The following ERP44 variants were observed in gnomAD, a reference collection of about 807,000 sequenced individuals.
ERP44 encodes endoplasmic reticulum resident protein 44.
ERP44 carries 25 observed loss-of-function variants against 53.4 expected under a neutral mutation model. That is an observed-to-expected ratio of 0.47 (90% confidence interval 0.34 to 0.65). The LOEUF is 0.65. Ranked by LOEUF, ERP44 falls within the 30% of genes least tolerant of loss-of-function variation. The pLI is 0.01. For synonymous variants in ERP44, 145 were observed against 161.2 expected, an observed-to-expected ratio of 0.90 and a Z score of 0.76; for missense variants, 338 against 493.2, an observed-to-expected ratio of 0.69 and a Z score of 2.98.
Position 99,994,303 on chromosome 9 carries a change from C to T in ERP44, c.1017-9234G>A, listed in dbSNP as rs1008053202. Among the ~76,000 whole-genome samples, 8 of 152,260 alleles carry T rather than the reference C, an allele frequency of 5.3e-5. No homozygotes were observed. The East Asian group carries it at 5.8e-4, about 11-fold the overall frequency. ...TTAAGAAAATGTGGCACATATACACCGTGGAATACTATGCAGCCACAAAAA... is the reference window on the plus strand; with the variant it reads ...TTAAGAAAATGTGGCACATATACACTGTGGAATACTATGCAGCCACAAAAA... On this transcript the variant is annotated intron_variant, in intron 10 of 11. Transcript: ENST00000262455.
chr9:100,081,301 G>T (rs2118748536), intron 1 of ERP44, among the ~76,000 whole-genome samples: 1 of 152,240 alleles, frequency 6.6e-6, no homozygotes, highest in South Asian at 2.1e-4. Flanking sequence ...AAACAAAGTG[G>T]AATGGGGCCA....
chr9:100,040,857 G>A (rs115727264), intron 4 of ERP44, among the ~76,000 whole-genome samples: 2,736 of 152,000 alleles, frequency 0.018, 90 homozygotes, highest in African/African-American at 0.063. Flanking sequence ...ATTTTTATAC[G>A]CTAACAGTGA....
At chr9:100,062,893 C>A (rs570451945) in intron 1 of ERP44, among the ~76,000 whole-genome samples, 1 of 151,606 alleles carries the variant, frequency 6.6e-6, no homozygotes, top group South Asian at 2.1e-4. Flanking sequence ...GGCAACATAG[C>A]AAGACCCTGT....
At chr9:100,016,513 A>AT in intron 7 of ERP44, 75 bp from the exon 8 acceptor site, 1 of 1,449,674 alleles carries the variant, frequency 6.9e-7, no homozygotes, top group Non-Finnish European at 9.0e-7. Context: ...TTTTCTTTAT[A>AT]TTTTTTAAAG....
At position 100,007,505 on chromosome 9, in the gene ERP44, AGAG is replaced by A. The variant is rs1382887402; in HGVS notation, c.874+70_874+72del. On this transcript the variant is annotated intron_variant, in intron 9 of 11. Coordinates refer to ENST00000262455, the MANE Select transcript of ERP44 (RefSeq NM_015051.3). The stretch of plus-strand genomic sequence containing the variant: ...GTTTATGTGATTTGACAGAAATGGG[AGAG>A]GAGATGATGAAAGGGAAAAAAAGAA... 3.8e-6 allele frequency: 3 copies of A among 780,246 alleles called. No homozygotes were observed. In the East Asian group the frequency reaches 7.4e-5, roughly 19 times the overall value. The allele number at this position is 780,246 out of a possible 1,614,324, so 48.3% of individuals were successfully genotyped here.
At chr9:100,000,632 T>C (rs1830366493) in intron 10 of ERP44, among the ~76,000 whole-genome samples, 1 of 152,128 alleles carries the variant, frequency 6.6e-6, no homozygotes, top group Non-Finnish European at 1.5e-5. Flanking sequence ...ATGTGCCTAG[T>C]ATTTTCTTCT....
At chr9:100,082,755 G>GAA (rs5899401) in intron 1 of ERP44, among the ~76,000 whole-genome samples, 58 of 146,892 alleles carry the variant, frequency 3.9e-4, no homozygotes, top group African/African-American at 8.7e-4. Flanking sequence ...CCTACTGTAG[G>GAA]AAAAAAAAAA....
chr9:100,091,608 T>A (rs183985659), intron 1 of ERP44, among the ~76,000 whole-genome samples: 65 of 152,342 alleles, frequency 4.3e-4, no homozygotes, highest in African/African-American at 1.4e-3. Flanking sequence ...TGAGAGGCAC[T>A]GCCCTTTTTC....
chr9:100,077,707 T>C (rs757510902), intron 1 of ERP44, among the ~76,000 whole-genome samples: 61 of 152,222 alleles, frequency 4.0e-4, no homozygotes, highest in Non-Finnish European at 7.5e-4. Flanking sequence ...GAACTCCTCC[T>C]ATCTTTAAGC....
chr9:100,022,216 G>A lies in ERP44; in HGVS notation c.297C>T (p.Ala99=). 2 of 1,607,408 alleles carry A rather than the reference G, an allele frequency of 1.2e-6. No individual in the cohort carries two copies. Among genetic ancestry groups the A allele is most frequent in the Non-Finnish European group, 1.7e-6 (2 of 1,177,364 alleles). The change falls in exon 5 of 12, where the codon GCC becomes GCT. Residue 99 remains alanine (A), a synonymous_variant. Transcript: ENST00000262455. ...RVDCDQHSDI[A]QRYRISKYPT... Reference sequence around the variant, plus strand: ...GGTATTTGCTTATCCTGTATCTCTGGGCTATGTCAGCTAAAAGAATGAAAA... The same window carrying A: ...GGTATTTGCTTATCCTGTATCTCTGAGCTATGTCAGCTAAAAGAATGAAAA...
chr9:99,993,402 G>A (rs1830276467), intron 10 of ERP44, among the ~76,000 whole-genome samples: 1 of 152,148 alleles, frequency 6.6e-6, no homozygotes, highest in South Asian at 2.1e-4. Context: ...ACAAACACAA[G>A]AAATGGGGAA....
chr9:100,063,719 G>C (rs759020892), intron 1 of ERP44, among the ~76,000 whole-genome samples: 40 of 152,110 alleles, frequency 2.6e-4, no homozygotes, highest in Non-Finnish European at 5.1e-4. Context: ...GAAATATTTA[G>C]ACAACATATA....
intron 1 of ERP44, among the ~76,000 whole-genome samples, chr9:100,073,453 T>C (rs1308072940): frequency 6.6e-6 from 1 of 152,152 alleles, no homozygotes; most frequent in African/African-American, 2.4e-5. Context: ...CCACTCACAA[T>C]GTAACCTTAG....
chr9:100,036,477 A>G (rs1825849751), intron 4 of ERP44, among the ~76,000 whole-genome samples: 1 of 152,186 alleles, frequency 6.6e-6, no homozygotes, highest in Admixed American at 6.5e-5. Flanking sequence ...AGAACAATAG[A>G]CACTGTGGAC....
intron 7 of ERP44, among the ~76,000 whole-genome samples, chr9:100,017,725 CAT>C (rs1169951154): frequency 6.6e-6 from 1 of 152,094 alleles, no homozygotes; most frequent in Non-Finnish European, 1.5e-5. Flanking sequence ...TTTGGGATAA[CAT>C]GTGCTACGAT....
chr9:100,094,299 C>T (rs1826597560), intron 1 of ERP44, among the ~76,000 whole-genome samples: 1 of 150,468 alleles, frequency 6.6e-6, no homozygotes, highest in Non-Finnish European at 1.5e-5. Context: ...AAAATAAATA[C>T]AAATAGCTTG....
chr9:100,009,484 A>G (rs1830451399), intron 8 of ERP44, among the ~76,000 whole-genome samples: 1 of 150,714 alleles, frequency 6.6e-6, no homozygotes, highest in African/African-American at 2.4e-5. Flanking sequence ...CCCTCTCCCC[A>G]CCCCCTGGCA....
chr9:99,990,917 G>A (rs968953482), intron 10 of ERP44, among the ~76,000 whole-genome samples: 2 of 152,108 alleles, frequency 1.3e-5, no homozygotes, highest in Non-Finnish European at 2.9e-5. Context: ...AAGAGACAAA[G>A]AAGGCCATTA....
Position 100,000,818 on chromosome 9 carries a change from C to T in ERP44, c.1016+5688G>A, listed in dbSNP as rs1830368530. 2.0e-5 allele frequency among the ~76,000 whole-genome samples: 3 copies of T among 151,740 alleles called. No individual in the cohort carries two copies. The South Asian group carries it at 6.2e-4, about 32-fold the overall frequency. On this transcript the variant is annotated intron_variant, in intron 10 of 11. Transcript: ENST00000262455. ...TAAAAAACCAGCTATAGTTTTGTTG[C>T]TCTTTTCTATTGTTTTTCTAATCTC...
Sources: gnomAD v4.1 joint callset for allele counts (sites outside exome capture counted in the v4.1 genomes callset) on GRCh38, gnomAD v4.1.1 for gene constraint, MANE v1.5 for transcripts, NCBI Gene and HGNC (gene_info 2026-07-23, HGNC 2026-07-21) for gene names.